The following DIO2 variants were observed in gnomAD, a reference collection of about 807,000 sequenced individuals.
DIO2 encodes type II iodothyronine deiodinase.
In DIO2, 19 loss-of-function variants were observed where a neutral mutation model predicts 21.4. That is an observed-to-expected ratio of 0.89 (90% confidence interval 0.62 to 1.30). DIO2 has a LOEUF of 1.30. Among genes scored for constraint, DIO2 ranks in the 50% most tolerant of loss-of-function variants. The pLI is 0.00. For synonymous variants in DIO2, 122 were observed against 132.9 expected (o/e 0.92, Z 0.57); for missense variants, 302 against 338.1 (o/e 0.89, Z 0.84).
chr14:80,205,798 A>G, intron 1 of DIO2: 2 of 1,041,354 alleles, frequency 1.9e-6, no homozygotes, highest in South Asian at 1.7e-5. Context: ...GGGATTTAGC[A>G]TTTTGTTAGG....
intron 1 of DIO2, chr14:80,206,446 C>A: frequency 1.6e-6 from 1 of 611,802 alleles, no homozygotes; most frequent in South Asian, 2.7e-5. Flanking sequence ...CATTTGGTCA[C>A]CATAAAAATT....
At chr14:80,225,871 C>A (rs147288969) in intron 2 of DIO2, among the ~76,000 whole-genome samples, 2 of 152,142 alleles carry the variant, frequency 1.3e-5, no homozygotes. Context: ...CCCTTCTTAG[C>A]CTGTTGACTT....
chr14:80,207,151 G>A (rs1471661637), intron 1 of DIO2, among the ~76,000 whole-genome samples: 1 of 152,132 alleles, frequency 6.6e-6, no homozygotes, highest in Middle Eastern at 3.2e-3. Flanking sequence ...TAAAGGATTT[G>A]CATTTTTACA....
At chr14:80,216,498 C>G (rs1241973230), upstream of DIO2, among the ~76,000 whole-genome samples, 1 of 152,146 alleles carries the variant, frequency 6.6e-6, no homozygotes, top group East Asian at 1.9e-4. Flanking sequence ...CTCCAGGTGC[C>G]TTGACTCTTA....
chr14:80,201,288 G>A lies in DIO2; in HGVS notation c.*1401C>T, dbSNP rs1220276309. On this transcript the variant is annotated 3_prime_UTR_variant, in exon 2 of 2. Coordinates refer to ENST00000438257, the MANE Select transcript of DIO2 (RefSeq NM_013989.5). ...TCAATGGAAATTCCATGATATACCG[G>A]GGGTTGCCTTATAACAAAGCCTCCA... 1.3e-5 allele frequency: 2 copies of A among 152,000 alleles called. No homozygotes were observed. Among genetic ancestry groups the A allele is most frequent in the African/African-American group, 2.4e-5 (1 of 41,390 alleles). The allele number at this position is 152,000 out of a possible 1,614,324, so 9.4% of individuals were successfully genotyped here. A position where few individuals can be genotyped will look rare whatever the true frequency, so the allele number is the denominator to read the frequency against.
rs919343613 is a variant in DIO2 at position 80,201,285 on chromosome 14, C to G, written c.*1404G>C. On this transcript the variant is annotated 3_prime_UTR_variant, in exon 2 of 2. Coordinates refer to ENST00000438257, the MANE Select transcript of DIO2 (RefSeq NM_013989.5). ...ATGTCAATGGAAATTCCATGATATA[C>G]CGGGGGTTGCCTTATAACAAAGCCT... 1 of 151,978 alleles carries G rather than the reference C, an allele frequency of 6.6e-6. No individual in the cohort carries two copies. Among genetic ancestry groups the G allele is most frequent in the Non-Finnish European group, 1.5e-5 (1 of 67,994 alleles). The allele number at this position is 151,978 out of a possible 1,614,324, so 9.4% of individuals were successfully genotyped here. A position where few individuals can be genotyped will look rare whatever the true frequency, so the allele number is the denominator to read the frequency against.
At chr14:80,210,771 A>T (rs141820253) in intron 1 of DIO2, among the ~76,000 whole-genome samples, 1 of 152,108 alleles carries the variant, frequency 6.6e-6, no homozygotes, top group Non-Finnish European at 1.5e-5. Flanking sequence ...CCACTTTCTT[A>T]TCTTGTCAAC....
At chr14:80,219,819 A>T (rs1888430312) in intron 2 of DIO2, among the ~76,000 whole-genome samples, 1 of 152,240 alleles carries the variant, frequency 6.6e-6, no homozygotes, top group South Asian at 2.1e-4. Context: ...ATACAGTATT[A>T]CAAAATGAAA....
At chr14:80,218,852 C>T (rs780664498) in intron 2 of DIO2, among the ~76,000 whole-genome samples, 18 of 152,178 alleles carry the variant, frequency 1.2e-4, no homozygotes, top group South Asian at 4.1e-4. Flanking sequence ...GTGGTGCATG[C>T]CTGTAACCTC....
chr14:80,206,273 A>G (rs1379377364), intron 1 of DIO2: 2 of 1,584,312 alleles, frequency 1.3e-6, no homozygotes, highest in Admixed American at 1.8e-5. Flanking sequence ...GTCTGCTTTT[A>G]TAAGCTTCAT....
intron 2 of DIO2, among the ~76,000 whole-genome samples, chr14:80,225,669 GT>G (rs200473356): frequency 6.6e-6 from 1 of 152,084 alleles, no homozygotes; most frequent in South Asian, 2.1e-4. Flanking sequence ...CAGGTCGTGG[GT>G]TTTTTTTCCT....
intron 2 of DIO2, among the ~76,000 whole-genome samples, chr14:80,225,814 T>C (rs1226098643): frequency 2.6e-5 from 4 of 152,260 alleles, no homozygotes; most frequent in East Asian, 1.9e-4. Flanking sequence ...AATGGTGCAG[T>C]AGACTGATTT....
chr14:80,230,051 G>A (rs775246629), intron 2 of DIO2, among the ~76,000 whole-genome samples: 33 of 152,254 alleles, frequency 2.2e-4, no homozygotes, highest in Middle Eastern at 3.4e-3. Context: ...CCTCAGGGGA[G>A]GCCATCGCTG....
At chr14:80,217,552 A>C (rs879518568) in intron 2 of DIO2, among the ~76,000 whole-genome samples, 8 of 152,204 alleles carry the variant, frequency 5.3e-5, no homozygotes, top group Non-Finnish European at 5.9e-5. Flanking sequence ...TAAGGCATGA[A>C]ATTTGAATCT....
At chr14:80,224,889 A>G (rs923991154) in intron 2 of DIO2, among the ~76,000 whole-genome samples, 6 of 152,188 alleles carry the variant, frequency 3.9e-5, no homozygotes, top group African/African-American at 1.4e-4. Flanking sequence ...GTATTAACTT[A>G]CATGATCACA....
Position 80,221,179 on chromosome 14 carries a change from T to A in DIO2, c.-277-4442A>T, listed in dbSNP as rs368405273. On this transcript the variant is annotated intron_variant, in intron 2 of 4. Transcript: ENST00000553594. ...TAATTTGAAGGATGTTCCAGTGAAG[T>A]TTTTGGTCTTCCCAGAACATCTACA... Among the ~76,000 whole-genome samples, 25 of 152,264 alleles carry A rather than the reference T, an allele frequency of 1.6e-4. 1 individual carries two copies. The East Asian group carries it at 4.8e-3, about 29-fold the overall frequency.
rs1045479298 is a variant in DIO2 at position 80,198,917 on chromosome 14, A to G, written c.*3772T>C. 1 of 152,190 alleles carries G rather than the reference A, an allele frequency of 6.6e-6. No homozygotes were observed. Among genetic ancestry groups the G allele is most frequent in the Non-Finnish European group, 1.5e-5 (1 of 68,038 alleles). 9.4% of individuals were successfully genotyped at this position (152,190 alleles called of 1,614,324 possible). ...AATCCTTCAGTGGGACGGAAGTCAGAGTCTACATTTTTCCTTTTTCAATGG... is the reference window on the plus strand; with the variant it reads ...AATCCTTCAGTGGGACGGAAGTCAGGGTCTACATTTTTCCTTTTTCAATGG... On this transcript the variant is annotated 3_prime_UTR_variant, in exon 2 of 2. Transcript: ENST00000438257.
chr14:80,203,172 G>T lies in DIO2; in HGVS notation c.339C>A (p.His113Gln). ...GCTCAGGGCTGGCAAAGTCAAGAAGGTGGCATGTGGCTCCCTCAGCTATCT... is the reference window on the plus strand; with the variant it reads ...GCTCAGGGCTGGCAAAGTCAAGAAGTTGGCATGTGGCTCCCTCAGCTATCT... ...QEKIAEGATC[H>Q]LLDFASPERP... Residue 113 changes from histidine to glutamine, a missense_variant, in exon 2 of 2, where the codon CAC becomes CAA. Coordinates refer to ENST00000438257, the MANE Select transcript of DIO2 (RefSeq NM_013989.5). 6.2e-7 allele frequency: 1 copy of T among 1,611,462 alleles called. No individual in the cohort carries two copies. The highest frequency in any genetic ancestry group is 8.5e-7 in the Non-Finnish European group (1 of 1,178,802).
At chr14:80,216,835 G>A (rs1055376038) in intron 2 of DIO2, 5 of 151,918 alleles carry the variant, frequency 3.3e-5, no homozygotes, top group African/African-American at 1.2e-4. Context: ...TTCATTCCTC[G>A]GCTCGTAGGA....
Sources: allele counts gnomAD v4.1 joint callset (sites outside exome capture counted in the v4.1 genomes callset), GRCh38; gene constraint gnomAD v4.1.1; transcripts MANE v1.5; gene names NCBI Gene and HGNC (gene_info 2026-07-23, HGNC 2026-07-21).